The following MYRIP variants were observed in gnomAD, a reference collection of about 807,000 sequenced individuals.
MYRIP encodes the protein rab effector MyRIP.
In MYRIP, 49 loss-of-function variants were observed where a neutral mutation model predicts 98.0. The ratio of observed to expected loss-of-function variants is 0.50; its 90% confidence interval spans 0.40 to 0.63. The LOEUF is 0.63. Among genes scored for constraint, MYRIP ranks in the 30% least tolerant of loss-of-function variants. The pLI is 0.00. For missense variants in MYRIP, 1,004 were observed against 1,058.2 expected, an observed-to-expected ratio of 0.95 and a Z score of 0.71; for synonymous variants, 404 against 409.5, an observed-to-expected ratio of 0.99 and a Z score of 0.16.
At chr3:40,104,214 G>T (rs1215049577) in intron 3 of MYRIP, among the ~76,000 whole-genome samples, 1 of 151,992 alleles carries the variant, frequency 6.6e-6, no homozygotes, top group Non-Finnish European at 1.5e-5. Flanking sequence ...CATGTCTCTG[G>T]TAGTTTTAAA....
At chr3:39,965,980 T>C (rs59084070) in intron 2 of MYRIP, among the ~76,000 whole-genome samples, 10 of 152,162 alleles carry the variant, frequency 6.6e-5, no homozygotes, top group Admixed American at 6.6e-4. Context: ...TGAAAGTGAA[T>C]GTTTAAGTCC....
At chr3:40,186,370 G>A (rs559465516) in intron 9 of MYRIP, among the ~76,000 whole-genome samples, 3 of 152,278 alleles carry the variant, frequency 2.0e-5, no homozygotes, top group African/African-American at 7.2e-5. Context: ...TTTGGGAGGT[G>A]AGCCCAGAAA....
intron 1 of MYRIP, among the ~76,000 whole-genome samples, chr3:39,847,655 C>T (rs1215744448): frequency 6.6e-6 from 1 of 152,120 alleles, no homozygotes; most frequent in Non-Finnish European, 1.5e-5. Context: ...CTTTTAAGGC[C>T]CAGGCCTCTT....
At chr3:39,861,247 A>G (rs1942460938) in intron 1 of MYRIP, among the ~76,000 whole-genome samples, 1 of 152,250 alleles carries the variant, frequency 6.6e-6, no homozygotes, top group African/African-American at 2.4e-5. Context: ...GGTCCCCTAA[A>G]TCTTCCAGAA....
chr3:39,925,183 T>TA (rs1347073908), intron 2 of MYRIP, among the ~76,000 whole-genome samples: 2 of 151,470 alleles, frequency 1.3e-5, no homozygotes, highest in East Asian at 1.9e-4. Flanking sequence ...CAAAATGATT[T>TA]AAAAAATAAA....
chr3:39,977,745 A>G (rs531027939), intron 2 of MYRIP, among the ~76,000 whole-genome samples: 1 of 152,304 alleles, frequency 6.6e-6, no homozygotes, highest in African/African-American at 2.4e-5. Context: ...TTATTCTTCT[A>G]TCCTATGTAC....
intron 4 of MYRIP, among the ~76,000 whole-genome samples, chr3:40,158,148 C>G (rs1280623758): frequency 6.6e-6 from 1 of 151,994 alleles, no homozygotes; most frequent in Non-Finnish European, 1.5e-5. Context: ...TATAAATTTC[C>G]CTCTACACAC....
intron 3 of MYRIP, among the ~76,000 whole-genome samples, chr3:40,069,660 C>A (rs1420573430): frequency 6.6e-6 from 1 of 152,106 alleles, no homozygotes; most frequent in African/African-American, 2.4e-5. Flanking sequence ...CTTTAGGTAC[C>A]TCATATAGGT....
intron 8 of MYRIP, chr3:40,174,767 A>T (rs917873880): frequency 1.3e-5 from 2 of 152,222 alleles, no homozygotes; most frequent in Non-Finnish European, 2.9e-5. Flanking sequence ...TAGCAAAAAC[A>T]CTGGGATTCA....
intron 2 of MYRIP, among the ~76,000 whole-genome samples, chr3:40,038,568 G>A (rs1947435446): frequency 6.6e-6 from 1 of 152,024 alleles, no homozygotes; most frequent in South Asian, 2.1e-4. Context: ...TAATGACAGA[G>A]GTAGCAGAGA....
chr3:40,195,253 T>G (rs1951354920), intron 10 of MYRIP, among the ~76,000 whole-genome samples: 1 of 152,224 alleles, frequency 6.6e-6, no homozygotes, highest in Non-Finnish European at 1.5e-5. Flanking sequence ...TGACTGCTTT[T>G]TGGCAGTAGA....
chr3:39,852,983 T>G (rs1049790164), intron 1 of MYRIP, among the ~76,000 whole-genome samples: 3 of 152,208 alleles, frequency 2.0e-5, no homozygotes, highest in African/African-American at 7.2e-5. Context: ...GGTTTCATCA[T>G]GTTGGTCAGG....
At chr3:40,191,500 G>A (rs763647568) in intron 10 of MYRIP, among the ~76,000 whole-genome samples, 3 of 152,032 alleles carry the variant, frequency 2.0e-5, no homozygotes, top group Non-Finnish European at 4.4e-5. Flanking sequence ...AACTCACGTA[G>A]GTCCAAAGAT....
intron 10 of MYRIP, among the ~76,000 whole-genome samples, chr3:40,197,138 G>C (rs1200618005): frequency 6.6e-6 from 1 of 152,104 alleles, no homozygotes; most frequent in Non-Finnish European, 1.5e-5. Flanking sequence ...GATGGTTTCG[G>C]GATGAAACTG....
chr3:40,066,732 C>G (rs1948135003), intron 3 of MYRIP, among the ~76,000 whole-genome samples: 1 of 152,138 alleles, frequency 6.6e-6, no homozygotes, highest in Non-Finnish European at 1.5e-5. Flanking sequence ...ATAGTCTGCT[C>G]ACTTGGATAA....
intron 1 of MYRIP, among the ~76,000 whole-genome samples, chr3:39,855,515 A>G (rs1367897965): frequency 6.6e-6 from 1 of 151,800 alleles, no homozygotes; most frequent in Non-Finnish European, 1.5e-5. Context: ...TGCGGCCACT[A>G]TGGGGTGTGA....
chr3:39,891,165 G>C lies in MYRIP; in HGVS notation c.-30-9622G>C, dbSNP rs1053172816. ...GAAATACTGACTTTCACCCTGCCAA[G>C]TTCAAACAAGAAATCAGCCTGTTTT... is the stretch of plus-strand genomic sequence containing the variant. On this transcript the variant is annotated intron_variant, in intron 1 of 16. Coordinates refer to ENST00000302541, the MANE Select transcript of MYRIP (RefSeq NM_015460.4). Among the ~76,000 whole-genome samples, 6 of 151,876 alleles carry C rather than the reference G, an allele frequency of 4.0e-5. No individual in the cohort carries two copies. In the East Asian group the frequency reaches 1.2e-3, roughly 29 times the overall value.
chr3:39,974,005 G>A (rs1418153915), intron 2 of MYRIP, among the ~76,000 whole-genome samples: 2 of 152,008 alleles, frequency 1.3e-5, no homozygotes, highest in African/African-American at 4.8e-5. Context: ...AGAAGCAAGA[G>A]CAAACACATT....
chr3:39,973,377 T>C (rs1042413016), intron 2 of MYRIP, among the ~76,000 whole-genome samples: 1 of 152,060 alleles, frequency 6.6e-6, no homozygotes, highest in African/African-American at 2.4e-5. Context: ...ATGCACCCAA[T>C]ACAGGAGCAC....
Sources: allele counts gnomAD v4.1 joint callset (sites outside exome capture counted in the v4.1 genomes callset), GRCh38; gene constraint gnomAD v4.1.1; transcripts MANE v1.5; gene names NCBI Gene and HGNC (gene_info 2026-07-23, HGNC 2026-07-21).